The following C16orf78 variants were observed in gnomAD, a reference collection of about 807,000 sequenced individuals.
The protein encoded by C16orf78 is uncharacterized protein C16orf78.
A neutral mutation model predicts 27.3 loss-of-function variants in C16orf78; 19 were observed. That is an observed-to-expected ratio of 0.70 (90% CI 0.49 to 1.02). The LOEUF is 1.02. C16orf78 is among the 50% of genes least tolerant of loss of function. The pLI, the probability that C16orf78 is intolerant of heterozygous loss-of-function variation, is 0.00. For missense variants in C16orf78, 339 were observed against 337.0 expected, an observed-to-expected ratio of 1.01 and a Z score of -0.05; for synonymous variants, 130 against 116.1, an observed-to-expected ratio of 1.12 and a Z score of -0.77.
intron 3 of C16orf78, among the ~76,000 whole-genome samples, chr16:49,380,440 G>T (rs1312542406): frequency 6.6e-6 from 1 of 152,144 alleles, no homozygotes; most frequent in Non-Finnish European, 1.5e-5. Context: ...CGAATTTTCT[G>T]TGACTACCAG....
chr16:49,375,084 T>A (rs1424437907), intron 1 of C16orf78, among the ~76,000 whole-genome samples: 1 of 152,180 alleles, frequency 6.6e-6, no homozygotes, highest in Non-Finnish European at 1.5e-5. Flanking sequence ...GAGGCACCAT[T>A]TTTACCCCTA....
chr16:49,395,458 TGC>T (rs201413674), intron 3 of C16orf78, among the ~76,000 whole-genome samples: 133 of 132,844 alleles, frequency 1.0e-3, no homozygotes, highest in African/African-American at 4.2e-3. Context: ...GATTTTTTTT[TGC>T]GATTTTTTTT....
At chr16:49,393,194 C>T (rs1456581289) in intron 3 of C16orf78, among the ~76,000 whole-genome samples, 1 of 152,144 alleles carries the variant, frequency 6.6e-6, no homozygotes, top group East Asian at 1.9e-4. Context: ...TTCCAACCCA[C>T]ATCTCCCTCC....
Position 49,377,749 on chromosome 16 carries a change from G to C in C16orf78, c.169G>C (p.Val57Leu). The C allele has an allele frequency of 1.2e-6, 2 of 1,604,062 alleles. No individual in the cohort carries two copies. The highest frequency in any genetic ancestry group is 1.7e-6 in the Non-Finnish European group (2 of 1,175,438). ...TTTTCAGAAGCAAAAGCCCAAAGTG[G>C]TGACAGTCCTTAAACGAAATAAGAA... ...QAPEKQKPKV[V>L]TVLKRNKKKE... Residue 57 changes from valine (V) to leucine (L), a missense_variant, in exon 2 of 5, where the codon GTG becomes CTG. By Grantham distance (32) the Val-to-Leu change is conservative. Transcript: ENST00000299191.
chr16:49,380,814 G>A (rs1965276876), intron 3 of C16orf78, among the ~76,000 whole-genome samples: 1 of 151,992 alleles, frequency 6.6e-6, no homozygotes, highest in African/African-American at 2.4e-5. Context: ...TTTGTATAAG[G>A]TGTAAGGAAG....
intron 3 of C16orf78, among the ~76,000 whole-genome samples, chr16:49,395,083 T>C (rs1288250895): frequency 6.6e-6 from 1 of 152,028 alleles, no homozygotes; most frequent in Admixed American, 6.6e-5. Flanking sequence ...AGTCTTGAAC[T>C]TCTGGCCTCA....
intron 3 of C16orf78, among the ~76,000 whole-genome samples, chr16:49,381,417 T>G (rs1204862430): frequency 6.6e-6 from 1 of 152,206 alleles, no homozygotes; most frequent in Non-Finnish European, 1.5e-5. Context: ...AGTTCACTCA[T>G]GATTTGGCTC....
rs1252139265 is a variant in C16orf78, at chr16:49,378,490, G to A, written c.291G>A (p.Arg97=). Residue 97 remains arginine (R), a synonymous_variant, in exon 3 of 5, where the codon AGG becomes AGA. Coordinates refer to ENST00000299191, the MANE Select transcript of C16orf78 (RefSeq NM_144602.4). Reference sequence around the variant, plus strand: ...CCAAGGCCTTAGGAAAGAGATTCAGGAAGGACGCCGCCTCCTACCGAAGCC... The same window carrying A: ...CCAAGGCCTTAGGAAAGAGATTCAGAAAGGACGCCGCCTCCTACCGAAGCC... The part of the protein sequence containing the change: ...TSQQALGKRF[R]KDAASYRSLY... 6.3e-7 allele frequency: 1 copy of A among 1,592,372 alleles called. No individual in the cohort carries two copies. Among genetic ancestry groups the A allele is most frequent in the East Asian group, 2.3e-5 (1 of 44,314 alleles).
At chr16:49,390,147 A>T (rs952689842) in intron 3 of C16orf78, among the ~76,000 whole-genome samples, 6 of 152,098 alleles carry the variant, frequency 3.9e-5, no homozygotes, top group African/African-American at 1.4e-4. Context: ...TCTGTAATGT[A>T]TCTTTTTCCT....
chr16:49,396,604 C>T lies in C16orf78; in HGVS notation c.576C>T (p.Ser192=), dbSNP rs1317563073. Residue 192 remains serine (S), a synonymous_variant, in exon 4 of 5, where the codon AGC becomes AGT. Coordinates refer to ENST00000299191, the MANE Select transcript of C16orf78 (RefSeq NM_144602.4). ...PDMAYERKLK[S]LMEKSTEPKM... ...TGGCTTACGAACGCAAGCTAAAGAG[C>T]CTCATGGAGAAAAGCACCGAACCTA... 1.2e-6 allele frequency: 2 copies of T among 1,613,984 alleles called. No homozygotes were observed. The highest frequency in any genetic ancestry group is 1.7e-5 in the Admixed American group (1 of 60,024).
chr16:49,388,895 G>T (rs879302267), intron 3 of C16orf78, among the ~76,000 whole-genome samples: 8 of 152,032 alleles, frequency 5.3e-5, no homozygotes, highest in African/African-American at 9.7e-5. Context: ...AAATTCAAGA[G>T]GACTAGAATT....
intron 1 of C16orf78, among the ~76,000 whole-genome samples, chr16:49,375,387 A>C (rs1379510400): frequency 1.3e-5 from 2 of 152,226 alleles, no homozygotes; most frequent in Non-Finnish European, 2.9e-5. Context: ...GAAGCATAGG[A>C]GATTCCACTT....
At position 49,399,172 on chromosome 16, in the gene C16orf78, A is replaced by T. The variant is rs754167780; in HGVS notation, c.692A>T (p.Lys231Met). ...AAGGAGAACATTCGGACCTTGCTCAAGTTGTGCAAGGATGCAGGAATGAAT... is the reference window on the plus strand; with the variant it reads ...AAGGAGAACATTCGGACCTTGCTCATGTTGTGCAAGGATGCAGGAATGAAT... ...LSKENIRTLLKLCKDAGMNVD... is the reference protein window; with the variant it reads ...LSKENIRTLLMLCKDAGMNVD... Residue 231 changes from lysine to methionine, a missense_variant, in exon 5 of 5, where the codon AAG (lysine) becomes ATG (methionine). Coordinates refer to ENST00000299191, the MANE Select transcript of C16orf78 (RefSeq NM_144602.4). 1 of 1,614,184 alleles carries T rather than the reference A, an allele frequency of 6.2e-7. No individual in the cohort carries two copies. The highest frequency in any genetic ancestry group is 1.7e-5 in the Admixed American group (1 of 60,032).
intron 3 of C16orf78, among the ~76,000 whole-genome samples, chr16:49,394,982 C>T (rs553137877): frequency 6.6e-6 from 1 of 152,240 alleles, no homozygotes; most frequent in Admixed American, 6.5e-5. Flanking sequence ...ATCCTCCCAC[C>T]TCAACCTCCC....
intron 1 of C16orf78, among the ~76,000 whole-genome samples, chr16:49,376,193 C>T (rs755396391): frequency 6.6e-6 from 1 of 152,232 alleles, no homozygotes; most frequent in Non-Finnish European, 1.5e-5. Context: ...CCTCTGTTCT[C>T]TCCTGGGGTC....
At chr16:49,381,586 A>G (rs1012399980) in intron 3 of C16orf78, among the ~76,000 whole-genome samples, 2 of 152,020 alleles carry the variant, frequency 1.3e-5, no homozygotes, top group Non-Finnish European at 2.9e-5. Flanking sequence ...AAACAACCCC[A>G]TCAAAAAGTG....
intron 3 of C16orf78, among the ~76,000 whole-genome samples, chr16:49,383,930 C>T (rs568144696): frequency 1.3e-5 from 2 of 152,236 alleles, no homozygotes; most frequent in African/African-American, 4.8e-5. Flanking sequence ...AATTGACTGA[C>T]AAATAATTCA....
rs1965467157 is a variant in C16orf78, at chr16:49,395,977, T to G, written c.395-446T>G. On this transcript the variant is annotated intron_variant, in intron 3 of 4. Coordinates refer to ENST00000299191, the MANE Select transcript of C16orf78 (RefSeq NM_144602.4). ...GAGAACCTGGGCTAGGCACGGTGGCTCATGCCTGTAATCCCAGCACTTTGG... is the reference window on the plus strand; with the variant it reads ...GAGAACCTGGGCTAGGCACGGTGGCGCATGCCTGTAATCCCAGCACTTTGG... Among the ~76,000 whole-genome samples, 2 of 152,152 alleles carry G rather than the reference T, an allele frequency of 1.3e-5. 1 individual carries two copies. The highest frequency in any genetic ancestry group is 1.3e-4 in the Admixed American group (2 of 15,274).
chr16:49,396,614 A>C lies in C16orf78; in HGVS notation c.586A>C (p.Lys196Gln). 1 of 1,613,820 alleles carries C rather than the reference A, an allele frequency of 6.2e-7. No individual in the cohort carries two copies. Among genetic ancestry groups the C allele is most frequent in the Non-Finnish European group, 8.5e-7 (1 of 1,180,022 alleles). Reference protein sequence around the residue: ...YERKLKSLMEKSTEPKMETMR... With the variant: ...YERKLKSLMEQSTEPKMETMR... ...ACGCAAGCTAAAGAGCCTCATGGAG[A>C]AAAGCACCGAACCTAAGATGGAAAC... Residue 196 changes from lysine (K) to glutamine (Q), a missense_variant, in exon 4 of 5, where the codon AAA becomes CAA. By Grantham distance (53) the Lys-to-Gln change is moderately conservative. Transcript: ENST00000299191.
Sources: gnomAD v4.1 joint callset for allele counts (sites outside exome capture counted in the v4.1 genomes callset) on GRCh38, gnomAD v4.1.1 for gene constraint, MANE v1.5 for transcripts, NCBI Gene and HGNC (gene_info 2026-07-23, HGNC 2026-07-21) for gene names.